SLC71A1: variants seen among roughly 807,000 people sequenced by gnomAD.
The protein encoded by SLC71A1 is hippocampus abundant gene transcript 1.
the SLC71A1 span, among the ~76,000 whole-genome samples, chr1:100,056,627 G>C: frequency 6.6e-6 from 1 of 152,164 alleles, no homozygotes; most frequent in Non-Finnish European, 1.5e-5. Flanking sequence ...ACAAAAAAAG[G>C]AATAGTGCTG....
the SLC71A1 span, among the ~76,000 whole-genome samples, chr1:100,044,547 C>T: frequency 0.015 from 1,529 of 100,598 alleles, 36 homozygotes; most frequent in African/African-American, 0.06. Context: ...TGGAATTTTG[C>T]TCTTGTTTCC....
chr1:100,038,315 C>A, the SLC71A1 span: 4 of 1,553,942 alleles, frequency 2.6e-6, no homozygotes, highest in Middle Eastern at 1.7e-4. Flanking sequence ...GACGGAGGCA[C>A]GGTGAGCTGA....
At chr1:100,056,632 GTGC>G in the SLC71A1 span, among the ~76,000 whole-genome samples, 1 of 152,124 alleles carries the variant, frequency 6.6e-6, no homozygotes, top group Non-Finnish European at 1.5e-5. Context: ...AAAAGGAATA[GTGC>G]TGCAGTAAAT....
chr1:100,078,298 G>A, the SLC71A1 span, among the ~76,000 whole-genome samples: 1 of 152,218 alleles, frequency 6.6e-6, no homozygotes, highest in Admixed American at 6.5e-5. Flanking sequence ...GGGTCAGATT[G>A]TTAAGCGACT....
At chr1:100,043,185 C>G in the SLC71A1 span, 43 of 981,118 alleles carry the variant, frequency 4.4e-5, no homozygotes, top group Non-Finnish European at 5.2e-5. Context: ...TTTGCAGCTA[C>G]TGAAAGTTTA....
At chr1:100,067,512 G>T in the SLC71A1 span, among the ~76,000 whole-genome samples, 1 of 152,148 alleles carries the variant, frequency 6.6e-6, no homozygotes, top group Non-Finnish European at 1.5e-5. Flanking sequence ...CCAAAGGAGA[G>T]AGTATAAGAA....
chr1:100,063,511 A>G, the SLC71A1 span, among the ~76,000 whole-genome samples: 2 of 151,852 alleles, frequency 1.3e-5, no homozygotes, highest in Non-Finnish European at 2.9e-5. Flanking sequence ...TAAAAAAAAA[A>G]GTTGGAGGGG....
At chr1:100,054,628 C>T in the SLC71A1 span, among the ~76,000 whole-genome samples, 4 of 152,154 alleles carry the variant, frequency 2.6e-5, no homozygotes, top group African/African-American at 4.8e-5. Context: ...AGCATCTCTT[C>T]TACCTAGATG....
chr1:100,040,880 T>G, the SLC71A1 span, among the ~76,000 whole-genome samples: 1 of 152,122 alleles, frequency 6.6e-6, no homozygotes, highest in Non-Finnish European at 1.5e-5. Context: ...AGTTTCAGAG[T>G]TTTTATAAAG....
the SLC71A1 span, chr1:100,080,674 A>C: frequency 6.2e-7 from 1 of 1,608,444 alleles, no homozygotes; most frequent in Non-Finnish European, 8.5e-7. Context: ...TTCTCATTCA[A>C]CATGATCAAA....
At chr1:100,045,383 C>T in the SLC71A1 span, among the ~76,000 whole-genome samples, 9 of 152,040 alleles carry the variant, frequency 5.9e-5, no homozygotes, top group Non-Finnish European at 1.0e-4. Flanking sequence ...TATCAGATCT[C>T]GGAGCTTTTT....
At chr1:100,058,707 C>T in the SLC71A1 span, 36 of 1,581,030 alleles carry the variant, frequency 2.3e-5, no homozygotes, top group Middle Eastern at 1.7e-4. Context: ...TTCTGATGAA[C>T]GGCTTAATTC....
At chr1:100,047,483 C>T in the SLC71A1 span, among the ~76,000 whole-genome samples, 6 of 152,164 alleles carry the variant, frequency 3.9e-5, no homozygotes, top group Admixed American at 6.5e-5. Flanking sequence ...AATGCAATGG[C>T]GCAATCTTGG....
chr1:100,072,629 G>A, the SLC71A1 span, among the ~76,000 whole-genome samples: 1 of 152,054 alleles, frequency 6.6e-6, no homozygotes, highest in Non-Finnish European at 1.5e-5. Flanking sequence ...TTAAAATTGG[G>A]AAGTGTTACG....
the SLC71A1 span, chr1:100,082,448 C>CTAT: frequency 2.0e-6 from 1 of 511,640 alleles, no homozygotes; most frequent in South Asian, 2.3e-5. Flanking sequence ...TGCCACTAAG[C>CTAT]TATTTGTTTT....
chr1:100,072,646 T>A, the SLC71A1 span, among the ~76,000 whole-genome samples: 1 of 151,964 alleles, frequency 6.6e-6, no homozygotes, highest in African/African-American at 2.4e-5. Flanking sequence ...TACGTGAAAT[T>A]ATAGTTATGT....
At chr1:100,072,564 T>C in the SLC71A1 span, among the ~76,000 whole-genome samples, 3 of 150,630 alleles carry the variant, frequency 2.0e-5, no homozygotes, top group Admixed American at 6.6e-5. Flanking sequence ...AGGTCATTGG[T>C]TTTTTTCCAT....
the SLC71A1 span, among the ~76,000 whole-genome samples, chr1:100,073,092 A>G: frequency 1.5e-4 from 23 of 152,164 alleles, no homozygotes; most frequent in Non-Finnish European, 3.1e-4. Context: ...AGCCTTAGCG[A>G]CATTCATGAA....
the SLC71A1 span, among the ~76,000 whole-genome samples, chr1:100,076,540 T>A: frequency 4.6e-5 from 7 of 152,200 alleles, no homozygotes; most frequent in Non-Finnish European, 1.0e-4. Context: ...GGTTTTGAAA[T>A]AGGTGCTGTT....
Sources: allele counts gnomAD v4.1 joint callset (sites outside exome capture counted in the v4.1 genomes callset), GRCh38; gene constraint gnomAD v4.1.1; transcripts MANE v1.5; gene names NCBI Gene and HGNC (gene_info 2026-07-23, HGNC 2026-07-21).